DGKI: variants seen among roughly 807,000 people sequenced by gnomAD.
DGKI encodes DAG kinase iota.
Under a neutral mutation model 147.5 loss-of-function variants are expected in DGKI, and 55 were observed. The observed-to-expected ratio is 0.37, with a 90% confidence interval of 0.30 to 0.47. The LOEUF is 0.47. Ranked by LOEUF, DGKI falls within the 20% of genes least tolerant of loss-of-function variation. DGKI has a pLI of 1.00. For missense variants in DGKI, 1,007 were observed against 1,323.8 expected (o/e 0.76, Z 3.71); for synonymous variants, 469 against 477.1 (o/e 0.98, Z 0.22).
chr7:137,633,316 T>C (rs935642936), intron 6 of DGKI, among the ~76,000 whole-genome samples: 10 of 151,840 alleles, frequency 6.6e-5, no homozygotes, highest in Admixed American at 2.6e-4. Flanking sequence ...TTGTCCTCAA[T>C]TGTGTAAGTG....
chr7:137,639,344 GGAA>G (rs1265243339), intron 6 of DGKI, among the ~76,000 whole-genome samples: 1 of 152,206 alleles, frequency 6.6e-6, no homozygotes, highest in African/African-American at 2.4e-5. Context: ...GAGGAAGTGA[GGAA>G]GAAGGACAGA....
At chr7:137,798,230 C>G (rs1205005173) in intron 1 of DGKI, among the ~76,000 whole-genome samples, 4 of 152,034 alleles carry the variant, frequency 2.6e-5, no homozygotes, top group African/African-American at 9.7e-5. Flanking sequence ...AAGCCCAGAC[C>G]CAGAGGGCTC....
At chr7:137,426,541 A>T (rs941655129) in intron 28 of DGKI, among the ~76,000 whole-genome samples, 2 of 152,238 alleles carry the variant, frequency 1.3e-5, no homozygotes, top group African/African-American at 2.4e-5. Context: ...TCAACTTCAC[A>T]CATAACAACA....
chr7:137,714,149 TA>T (rs1158226589), intron 1 of DGKI, among the ~76,000 whole-genome samples: 1 of 152,232 alleles, frequency 6.6e-6, no homozygotes, highest in Non-Finnish European at 1.5e-5. Flanking sequence ...GATTTTGGAT[TA>T]TTTGCTATTA....
intron 11 of DGKI, among the ~76,000 whole-genome samples, chr7:137,598,177 A>T (rs780697273): frequency 6.6e-6 from 1 of 152,188 alleles, no homozygotes; most frequent in Non-Finnish European, 1.5e-5. Flanking sequence ...TTTATTTCCC[A>T]TAACTTCTAT....
At chr7:137,612,981 A>G (rs1711789027) in intron 8 of DGKI, among the ~76,000 whole-genome samples, 1 of 152,132 alleles carries the variant, frequency 6.6e-6, no homozygotes, top group East Asian at 1.9e-4. Context: ...CCTGTACTTC[A>G]TACCAGGATA....
chr7:137,806,396 C>T (rs1419654429), intron 1 of DGKI, among the ~76,000 whole-genome samples: 2 of 152,132 alleles, frequency 1.3e-5, no homozygotes, highest in Non-Finnish European at 2.9e-5. Flanking sequence ...AGTGTCAATG[C>T]CACATGATTG....
chr7:137,536,202 G>T (rs539889425), intron 20 of DGKI, among the ~76,000 whole-genome samples: 9 of 152,240 alleles, frequency 5.9e-5, no homozygotes, highest in African/African-American at 2.2e-4. Context: ...TGCCTTAAAT[G>T]CTACGATGTC....
intron 23 of DGKI, among the ~76,000 whole-genome samples, chr7:137,473,680 C>G (rs1480833463): frequency 1.3e-5 from 2 of 152,074 alleles, no homozygotes; most frequent in Non-Finnish European, 1.5e-5. Context: ...GGCTATTCTC[C>G]TAGGAGCAGA....
At position 137,397,636 on chromosome 7, in the gene DGKI, T is replaced by A. The variant is rs189527118; in HGVS notation, c.2921-223A>T. Among the ~76,000 whole-genome samples the A allele has an allele frequency of 6.6e-5, 10 of 152,324 alleles. 3 individuals carry two copies. Among genetic ancestry groups the A allele is most frequent in the Admixed American group, 6.5e-4 (10 of 15,294 alleles). On this transcript the variant is annotated intron_variant, in intron 30 of 32. Coordinates refer to ENST00000614521, the MANE Select transcript of DGKI (RefSeq NM_001321708.2). The stretch of plus-strand genomic sequence containing the variant: ...GAATGGTAGATAAAAAAGAATGGTA[T>A]GGTCTCTGCTGTCAAGCAGCTTTCG...
rs541584311 is a variant in DGKI, at chr7:137,528,042, T to C, written c.2148-6076A>G. ...CCTGGTCCATGTTGCTTACAATAAA[T>C]GTTTTTGAACAAATGAGTAAATGAA... is the stretch of plus-strand genomic sequence containing the variant. On this transcript the variant is annotated intron_variant, in intron 20 of 32. Transcript: ENST00000614521. Among the ~76,000 whole-genome samples the C allele has an allele frequency of 3.3e-5, 5 of 152,298 alleles. No homozygotes were observed. The East Asian group carries it at 9.7e-4, about 29-fold the overall frequency.
intron 1 of DGKI, among the ~76,000 whole-genome samples, chr7:137,790,121 T>C (rs1290687721): frequency 1.3e-5 from 2 of 152,192 alleles, no homozygotes; most frequent in Non-Finnish European, 2.9e-5. Context: ...AGCATGGCTG[T>C]ATTCCAGTAA....
At chr7:137,465,851 A>C in intron 26 of DGKI, 57 bp downstream of exon 26, 1 of 1,571,714 alleles carries the variant, frequency 6.4e-7, no homozygotes, top group Non-Finnish European at 8.6e-7. Flanking sequence ...TCAAAGGCGA[A>C]CCAGACATGG....
chr7:137,754,626 A>G (rs978067604), intron 1 of DGKI, among the ~76,000 whole-genome samples: 2 of 152,160 alleles, frequency 1.3e-5, no homozygotes, highest in African/African-American at 4.8e-5. Context: ...CATTCACCTC[A>G]TGGATAATTG....
chr7:137,412,218 CAA>C lies in DGKI; in HGVS notation c.2762-13_2762-12del, dbSNP rs1563002601. The C allele has an allele frequency of 4.3e-6, 7 of 1,612,808 alleles. No individual in the cohort carries two copies. The highest frequency in any genetic ancestry group is 1.6e-4 in the Middle Eastern group (1 of 6,062). On this transcript the variant is annotated splice_polypyrimidine_tract_variant and intron_variant, in intron 28 of 32. Transcript: ENST00000614521. ...CTGCCTGCAAAATTGCTGTGAAAGACAAAAGAGAGATGTCCCATTAGTAGAAG... is the reference window on the plus strand; with the variant it reads ...CTGCCTGCAAAATTGCTGTGAAAGACAAGAGAGATGTCCCATTAGTAGAAG...
In DGKI at chr7:137,635,875, C is replaced by T. The variant is rs968903579; in HGVS notation, c.804+9597G>A. Among the ~76,000 whole-genome samples, 10 of 152,184 alleles carry T rather than the reference C, an allele frequency of 6.6e-5. 1 individual carries two copies. Among genetic ancestry groups the T allele is most frequent in the Admixed American group, 6.5e-4 (10 of 15,282 alleles). On this transcript the variant is annotated intron_variant, in intron 6 of 32. Transcript: ENST00000614521. ...CACTTTGGGAGTTTGTGCTTCTGGT[C>T]CCCAGAGCTCCGGGCTTTGAGGGTC... is the stretch of plus-strand genomic sequence containing the variant.
chr7:137,420,100 T>C (rs763785001), intron 28 of DGKI, among the ~76,000 whole-genome samples: 1 of 152,176 alleles, frequency 6.6e-6, no homozygotes, highest in Non-Finnish European at 1.5e-5. Context: ...AGTAACTGGG[T>C]ACTGGTATCG....
At chr7:137,468,619 A>G (rs1460133478) in intron 24 of DGKI, among the ~76,000 whole-genome samples, 1 of 152,180 alleles carries the variant, frequency 6.6e-6, no homozygotes, top group Non-Finnish European at 1.5e-5. Context: ...AAATATATAT[A>G]TGGCATTCAA....
chr7:137,562,840 A>G (rs1236918580), intron 19 of DGKI, among the ~76,000 whole-genome samples: 1 of 152,148 alleles, frequency 6.6e-6, no homozygotes, highest in Non-Finnish European at 1.5e-5. Flanking sequence ...ATATATAAGG[A>G]AAAAAATCAT....
Sources: gnomAD v4.1 joint callset for allele counts (sites outside exome capture counted in the v4.1 genomes callset) on GRCh38, gnomAD v4.1.1 for gene constraint, MANE v1.5 for transcripts, NCBI Gene and HGNC (gene_info 2026-07-23, HGNC 2026-07-21) for gene names.